CUBN: variants seen among roughly 807,000 people sequenced by gnomAD.
The protein encoded by CUBN is 460 kDa receptor.
A neutral mutation model predicts 405.3 loss-of-function variants in CUBN; 282 were observed. That is an observed-to-expected ratio of 0.70 (90% confidence interval 0.63 to 0.77). The LOEUF is 0.77. Ranked by LOEUF, CUBN falls within the 30% of genes least tolerant of loss-of-function variation. CUBN has a pLI of 0.00. For missense variants in CUBN, 4,514 were observed against 4,475.2 expected (o/e 1.01, Z -0.25); for synonymous variants, 1,684 against 1,617.0 (o/e 1.04, Z -0.99).
Position 17,068,161 on chromosome 10 carries a change from G to T in CUBN, c.2911C>A (p.His971Asn). The T allele has an allele frequency of 6.2e-7, 1 of 1,613,478 alleles. No homozygotes were observed. Among genetic ancestry groups the T allele is most frequent in the South Asian group, 1.1e-5 (1 of 91,044 alleles). The stretch of plus-strand genomic sequence containing the variant: ...AGATGAAATGTTTCGAACATTAAAT[G>T]AATCAGGTGATTAGGTTGGACTAAT... ...HILVQPNHLIHLMFETFHLEF... is the reference protein window; with the variant it reads ...HILVQPNHLINLMFETFHLEF... Residue 971 changes from histidine to asparagine, a missense_variant, in exon 21 of 67, where the codon CAT becomes AAT. Around this residue, in one of 5 missense-constraint regions of CUBN, gnomAD observed 1,448 missense variants for 1,388.0 expected, o/e 1.04. Transcript: ENST00000377833.
chr10:16,965,414 G>A (rs1431133846), intron 31 of CUBN, among the ~76,000 whole-genome samples: 1 of 152,172 alleles, frequency 6.6e-6, no homozygotes, highest in Admixed American at 6.5e-5. Context: ...TGGACGTGAT[G>A]CAGAGCACTT....
intron 60 of CUBN, among the ~76,000 whole-genome samples, chr10:16,843,148 G>A (rs2131324256): frequency 6.6e-6 from 1 of 152,312 alleles, no homozygotes; most frequent in East Asian, 1.9e-4. Flanking sequence ...CTTCTTCACT[G>A]TGGTGTCGCC....
At chr10:16,967,323 C>G (rs1429655161) in intron 31 of CUBN, among the ~76,000 whole-genome samples, 4 of 152,200 alleles carry the variant, frequency 2.6e-5, no homozygotes, top group Admixed American at 2.0e-4. Context: ...CGAGCACTGA[C>G]TCAAAGATTC....
intron 22 of CUBN, among the ~76,000 whole-genome samples, chr10:17,052,643 C>T (rs990599232): frequency 6.6e-6 from 1 of 150,638 alleles, no homozygotes. Context: ...GCCTGTAGTC[C>T]CAGCTACTCG....
At chr10:16,860,849 T>G (rs963018334) in intron 59 of CUBN, among the ~76,000 whole-genome samples, 12 of 152,228 alleles carry the variant, frequency 7.9e-5, no homozygotes, top group African/African-American at 2.9e-4. Context: ...GCAATACTTT[T>G]CTAACTTTTT....
chr10:17,083,620 G>C (rs1481390520), intron 17 of CUBN, among the ~76,000 whole-genome samples: 1 of 152,076 alleles, frequency 6.6e-6, no homozygotes, highest in Non-Finnish European at 1.5e-5. Flanking sequence ...TGTTTCCTCT[G>C]TCTAAATGTA....
Position 17,071,903 on chromosome 10 carries a change from A to G in CUBN, c.2370T>C (p.Ile790=), listed in dbSNP as rs1229084159. Residue 790 remains isoleucine (I), a synonymous_variant, in exon 18 of 67, where the codon ATT becomes ATC. Coordinates refer to ENST00000377833, the MANE Select transcript of CUBN (RefSeq NM_001081.4). ...TAAACCTGATCCAGACACTATTAGT[A>G]ATGGATTTAATGTGAGAGATGGTTC... The part of the protein sequence containing the change: ...GNGTISHIKS[I]TNSVWIRFKI... 24 of 1,612,652 alleles carry G rather than the reference A, an allele frequency of 1.5e-5. No homozygotes were observed. Among genetic ancestry groups the G allele is most frequent in the Non-Finnish European group, 2.0e-5 (23 of 1,179,162 alleles).
At chr10:17,111,661 T>C (rs1836775280) in intron 8 of CUBN, among the ~76,000 whole-genome samples, 1 of 152,202 alleles carries the variant, frequency 6.6e-6, no homozygotes, top group Non-Finnish European at 1.5e-5. Flanking sequence ...AGGTGGCTCA[T>C]GCCTGTAATC....
At chr10:16,992,251 GAA>G (rs1833612394) in intron 28 of CUBN, among the ~76,000 whole-genome samples, 2 of 150,706 alleles carry the variant, frequency 1.3e-5, no homozygotes, top group East Asian at 4.0e-4. Flanking sequence ...TGGGGTGGGG[GAA>G]GGGGGGAGGG....
intron 65 of CUBN, among the ~76,000 whole-genome samples, chr10:16,829,947 T>TG (rs1210803433): frequency 1.9e-4 from 29 of 151,390 alleles, no homozygotes; most frequent in African/African-American, 6.3e-4. Flanking sequence ...GTTTTGTTTT[T>TG]TTTTTTGAGA....
At chr10:16,955,621 G>A (rs866823337) in intron 31 of CUBN, among the ~76,000 whole-genome samples, 2 of 152,102 alleles carry the variant, frequency 1.3e-5, no homozygotes, top group Non-Finnish European at 2.9e-5. Flanking sequence ...AATCAGGGGG[G>A]AAATGAGTTC....
chr10:16,888,076 G>A (rs1314218746), intron 56 of CUBN, among the ~76,000 whole-genome samples: 1 of 152,208 alleles, frequency 6.6e-6, no homozygotes, highest in African/African-American at 2.4e-5. Flanking sequence ...GGCTGGTAGG[G>A]TATGTGGGAG....
intron 22 of CUBN, among the ~76,000 whole-genome samples, chr10:17,062,023 A>T (rs967965931): frequency 1.3e-5 from 2 of 152,160 alleles, no homozygotes; most frequent in Non-Finnish European, 2.9e-5. Flanking sequence ...TTGTGCTTCA[A>T]ACTTTCTTGA....
At position 16,907,504 on chromosome 10, in the gene CUBN, T is replaced by C; in HGVS notation, c.7705+4A>G. ...TGGGGGGCATTTACAACATCCTACA[T>C]TACCTGCATCTTCACTGGAGGTATA... On this transcript the variant is annotated splice_donor_region_variant and intron_variant, in intron 49 of 66. Coordinates refer to ENST00000377833, the MANE Select transcript of CUBN (RefSeq NM_001081.4). The C allele has an allele frequency of 6.2e-7, 1 of 1,614,080 alleles. No homozygotes were observed. The highest frequency in any genetic ancestry group is 8.5e-7 in the Non-Finnish European group (1 of 1,179,960).
chr10:16,852,935 T>C (rs1397120377), intron 59 of CUBN, among the ~76,000 whole-genome samples: 1 of 152,196 alleles, frequency 6.6e-6, no homozygotes, highest in Non-Finnish European at 1.5e-5. Context: ...TATTTAACTT[T>C]TTCTTTTCCA....
intron 56 of CUBN, among the ~76,000 whole-genome samples, chr10:16,877,533 C>G (rs1341020746): frequency 1.3e-5 from 2 of 152,048 alleles, no homozygotes; most frequent in Non-Finnish European, 2.9e-5. Context: ...CCTCTGGGAC[C>G]CACAAAAAAC....
chr10:17,046,265 T>C (rs1000664462), intron 23 of CUBN, among the ~76,000 whole-genome samples, 171 bp from the exon 24 acceptor site: 5 of 152,188 alleles, frequency 3.3e-5, no homozygotes, highest in African/African-American at 1.2e-4. Flanking sequence ...TTTAAATTTT[T>C]AAAAATCATA....
At chr10:16,972,817 A>G (rs1391048200) in intron 31 of CUBN, among the ~76,000 whole-genome samples, 1 of 151,942 alleles carries the variant, frequency 6.6e-6, no homozygotes, top group Admixed American at 6.6e-5. Context: ...AATTCTAGTG[A>G]CTGCCACCGT....
At chr10:16,970,453 G>A (rs996513409) in intron 31 of CUBN, among the ~76,000 whole-genome samples, 1 of 152,036 alleles carries the variant, frequency 6.6e-6, no homozygotes, top group African/African-American at 2.4e-5. Flanking sequence ...GCACATGCCT[G>A]TAATCCCAGC....
Sources: allele counts gnomAD v4.1 joint callset (sites outside exome capture counted in the v4.1 genomes callset), GRCh38; gene constraint gnomAD v4.1.1; regional missense constraint gnomAD v4.1.1; transcripts MANE v1.5; gene names NCBI Gene and HGNC (gene_info 2026-07-23, HGNC 2026-07-21).